Variants in PLCB3 observed in about 807,000 individuals in gnomAD.
PLCB3 encodes 1-phosphatidylinositol 4,5-bisphosphate phosphodiesterase beta-3.
Under a neutral mutation model 152.1 loss-of-function variants are expected in PLCB3, and 54 were observed. That is an observed-to-expected ratio of 0.36 (90% CI 0.29 to 0.45). PLCB3 has a LOEUF of 0.45. Among genes scored for constraint, PLCB3 ranks in the 20% least tolerant of loss-of-function variants. The pLI, the probability that PLCB3 is intolerant of heterozygous loss-of-function variation, is 1.00. For synonymous variants in PLCB3, 717 were observed against 698.7 expected (o/e 1.03, Z -0.41); for missense variants, 1,248 against 1,687.5 (o/e 0.74, Z 4.56).
intron 25 of PLCB3, 144 bp downstream of exon 25, chr11:64,265,646 C>T: frequency 7.3e-7 from 1 of 1,367,274 alleles, no homozygotes; most frequent in Non-Finnish European, 9.7e-7. Flanking sequence ...AGGCTTTCCA[C>T]ACCAGGCGTC....
In PLCB3 at chr11:64,263,734, G is replaced by A; in HGVS notation, c.2499G>A (p.Leu833=). Reference sequence around the variant, plus strand: ...TGCGGAACGAGGCCAACCAACCGCTGTGCCTGCCGGCCCTGCTCATCTACA... The same window carrying A: ...TGCGGAACGAGGCCAACCAACCGCTATGCCTGCCGGCCCTGCTCATCTACA... ...VCLRNEANQP[L]CLPALLIYTE... is the part of the protein sequence containing the mutation. Residue 833 remains leucine (L), a synonymous_variant, in exon 21 of 31, where the codon CTG becomes CTA. Coordinates refer to ENST00000279230, the MANE Select transcript of PLCB3 (RefSeq NM_000932.5). The A allele has an allele frequency of 6.2e-7, 1 of 1,613,218 alleles. No homozygotes were observed. Among genetic ancestry groups the A allele is most frequent in the Non-Finnish European group, 8.5e-7 (1 of 1,179,876 alleles).
intron 2 of PLCB3, 126 bp from the exon 3 acceptor site, chr11:64,254,622 G>A: frequency 7.4e-7 from 1 of 1,359,414 alleles, no homozygotes; most frequent in Non-Finnish European, 1.0e-6. Flanking sequence ...AAGTGCTCAG[G>A]GCAGGAGCTG....
Position 64,251,703 on chromosome 11 carries a change from G to A in PLCB3, c.54G>A (p.Val18=). The A allele has an allele frequency of 6.7e-7, 1 of 1,486,392 alleles. No homozygotes were observed. The highest frequency in any genetic ancestry group is 9.0e-7 in the Non-Finnish European group (1 of 1,116,150). 92.1% of individuals were successfully genotyped at this position (1,486,392 alleles called of 1,614,324 possible). The change falls in exon 1 of 31, where the codon GTG becomes GTA. Residue 18 remains valine, a synonymous_variant. Coordinates refer to ENST00000279230, the MANE Select transcript of PLCB3 (RefSeq NM_000932.5). ...VHALQLEPPT[V]VETLRRGSKF... ...CGCTGCAGTTGGAGCCGCCCACCGT[G>A]GTGGAGACCCTGCGGCGCGGGAGTA...
rs776729629 is a variant in PLCB3 at position 64,256,472 on chromosome 11, G to C, written c.795G>C (p.Pro265=). 3 of 1,613,846 alleles carry C rather than the reference G, an allele frequency of 1.9e-6. No homozygotes were observed. In the South Asian group the frequency reaches 3.3e-5, roughly 18 times the overall value. ...CGAGACTCAACGAAGTGCTGTACCC[G>C]CCCCTGCGGCCCTCCCAGGCCCGGC... ...RDPRLNEVLY[P]PLRPSQARLL... Residue 265 remains proline, a synonymous_variant, in exon 9 of 31, where the codon CCG becomes CCC. Coordinates refer to ENST00000279230, the MANE Select transcript of PLCB3 (RefSeq NM_000932.5).
At position 64,258,722 on chromosome 11, in the gene PLCB3, G is replaced by C; in HGVS notation, c.1253+9G>C. On this transcript the variant is annotated intron_variant, in intron 11 of 30. Transcript: ENST00000279230. The surrounding 1 kb of genome is among the most constrained non-coding windows in gnomAD (Gnocchi z 7.2). ...GAGAACCATGTGGACTCGTGAGTGA[G>C]CCCCTGGCATGAAACCCCATGGACC... 1 of 1,613,170 alleles carries C rather than the reference G, an allele frequency of 6.2e-7. No individual in the cohort carries two copies. The highest frequency in any genetic ancestry group is 1.7e-5 in the Admixed American group (1 of 60,006).
At position 64,258,157 on chromosome 11, in the gene PLCB3, A is replaced by G. The variant is rs1320025742; in HGVS notation, c.1013-316A>G. 6.6e-6 allele frequency among the ~76,000 whole-genome samples: 1 copy of G among 150,972 alleles called. No homozygotes were observed. Among genetic ancestry groups the G allele is most frequent in the Admixed American group, 6.6e-5 (1 of 15,186 alleles). On this transcript the variant is annotated intron_variant, in intron 10 of 30. Coordinates refer to ENST00000279230, the MANE Select transcript of PLCB3 (RefSeq NM_000932.5). The surrounding 1 kb of genome is among the most constrained non-coding windows in gnomAD (Gnocchi z 7.2). ...TGACAGAGCGAGGTTCCGTCTCAAA[A>G]AAAAAAAAAAAAGAGATTGGATTGG...
At chr11:64,252,772 A>G (rs913041557) in intron 1 of PLCB3, among the ~76,000 whole-genome samples, 2 of 147,548 alleles carry the variant, frequency 1.4e-5, no homozygotes, top group African/African-American at 5.0e-5. Context: ...ACTGTGATAA[A>G]CCCAAATAAG....
Position 64,265,072 on chromosome 11 carries a change from C to T in PLCB3, c.2774C>T (p.Thr925Ile). 6.5e-7 allele frequency: 1 copy of T among 1,541,538 alleles called. No individual in the cohort carries two copies. Among genetic ancestry groups the T allele is most frequent in the Non-Finnish European group, 8.8e-7 (1 of 1,141,154 alleles). ...ASPRRPPGPT[T>I]SPASTSLSSP... ...CCCCGCCGGCCCCCTGGCCCCACCA[C>T]CTCCCCTGCCAGCACCTCCCTCAGC... Residue 925 changes from threonine (T) to isoleucine (I), a missense_variant, in exon 23 of 31, where the codon ACC (threonine) becomes ATC (isoleucine). By Grantham distance (89) the Thr-to-Ile change is moderately conservative. This residue lies in a region of PLCB3 where 477 missense variants were observed against 489.6 expected (regional missense o/e 0.97). Transcript: ENST00000279230.
At chr11:64,260,271 A>G in intron 14 of PLCB3, 37 bp downstream of exon 14, 1 of 1,445,226 alleles carries the variant, frequency 6.9e-7, no homozygotes, top group Non-Finnish European at 9.4e-7. Flanking sequence ...GGGAGGTAGC[A>G]TCTATTTACC....
At chr11:64,251,861 C>A in intron 1 of PLCB3, 113 bp downstream of exon 1, 1 of 545,212 alleles carries the variant, frequency 1.8e-6, no homozygotes, top group Non-Finnish European at 3.0e-6. Flanking sequence ...CACCCTCATC[C>A]CAGTCTGGCG....
At position 64,263,596 on chromosome 11, in the gene PLCB3, C is replaced by T. The variant is rs777597945; in HGVS notation, c.2454C>T (p.Ser818=). 1.6e-5 allele frequency: 26 copies of T among 1,610,802 alleles called. No homozygotes were observed. Among genetic ancestry groups the T allele is most frequent in the Admixed American group, 3.3e-5 (2 of 59,846 alleles). Residue 818 remains serine, a splice_region_variant and synonymous_variant, in exon 20 of 31, where the codon TCC becomes TCT. Coordinates refer to ENST00000279230, the MANE Select transcript of PLCB3 (RefSeq NM_000932.5). The part of the protein sequence containing the change: ...HRILPVSAIR[S]GYHYVCLRNE... ...TCCTGCCTGTCTCTGCCATCCGCTC[C>T]GGTGAGGCCTTGGTGGGCTCTGGGC...
chr11:64,256,240 A>G, intron 8 of PLCB3, 136 bp from the exon 9 acceptor site: 1 of 710,066 alleles, frequency 1.4e-6, no homozygotes, highest in Middle Eastern at 4.0e-4. Context: ...GTTGGCCATG[A>G]CTCACCCAGA....
intron 21 of PLCB3, 36 bp from the exon 22 acceptor site, chr11:64,263,985 C>T (rs1261294066): frequency 6.6e-7 from 1 of 1,514,384 alleles, no homozygotes; most frequent in Non-Finnish European, 9.0e-7. Flanking sequence ...CCTGGGGGCT[C>T]TGTCTCTGAG....
intron 16 of PLCB3, 47 bp from the exon 17 acceptor site, chr11:64,261,905 A>C: frequency 6.2e-7 from 1 of 1,610,536 alleles, no homozygotes; most frequent in Non-Finnish European, 8.5e-7. Flanking sequence ...GTGGAGGCTG[A>C]TGGGGTGGGC....
Position 64,259,344 on chromosome 11 carries a change from C to T in PLCB3, c.1525+100C>T, listed in dbSNP as rs1223560302. On this transcript the variant is annotated intron_variant, in intron 13 of 30. Transcript: ENST00000279230. Reference sequence around the variant, plus strand: ...CATCCCAGACCCCCAGCCCACCCTCCTGCCTCGCTGTGCGCCTGTTCCCAC... The same window carrying T: ...CATCCCAGACCCCCAGCCCACCCTCTTGCCTCGCTGTGCGCCTGTTCCCAC... 4.9e-6 allele frequency: 5 copies of T among 1,015,690 alleles called. No individual in the cohort carries two copies. In the East Asian group the frequency reaches 1.3e-4, roughly 27 times the overall value. The allele number at this position is 1,015,690 out of a possible 1,614,324, so 62.9% of individuals were successfully genotyped here.
rs778035486 is a variant in PLCB3 at position 64,265,439 on chromosome 11, G to A, written c.2972G>A (p.Arg991His). Residue 991 changes from arginine to histidine, a missense_variant, in exon 25 of 31, where the codon CGC becomes CAC. Physicochemically the swap from Arg to His is conservative, Grantham distance 29. This residue lies in a region of PLCB3 where 477 missense variants were observed against 489.6 expected (regional missense o/e 0.97). Transcript: ENST00000279230. Reference protein sequence around the residue: ...HQRKAVTLTRRLLDGLAQAQA... With the variant: ...HQRKAVTLTRHLLDGLAQAQA... ...CGGAAGGCAGTCACCCTCACCCGCC[G>A]CCTGCTGGATGGCCTGGCTCAGGCA... 242 of 1,610,584 alleles carry A rather than the reference G, an allele frequency of 1.5e-4. No individual in the cohort carries two copies. Among genetic ancestry groups the A allele is most frequent in the Non-Finnish European group, 2.0e-4 (234 of 1,179,844 alleles).
rs763169075 is a variant in PLCB3 at position 64,261,570 on chromosome 11, T to C, written c.1829-11T>C. On this transcript the variant is annotated splice_polypyrimidine_tract_variant and intron_variant, in intron 15 of 30. Coordinates refer to ENST00000279230, the MANE Select transcript of PLCB3 (RefSeq NM_000932.5). Reference sequence around the variant, plus strand: ...GCCAGGTCTGACGCCCTTTCTTGGCTCACCCCTAAGAGAGGAACAAATGCT... The same window carrying C: ...GCCAGGTCTGACGCCCTTTCTTGGCCCACCCCTAAGAGAGGAACAAATGCT... 2 of 1,613,894 alleles carry C rather than the reference T, an allele frequency of 1.2e-6. No individual in the cohort carries two copies. The highest frequency in any genetic ancestry group is 1.7e-6 in the Non-Finnish European group (2 of 1,179,870).
chr11:64,254,675 G>A, intron 2 of PLCB3, 73 bp from the exon 3 acceptor site: 1 of 1,535,210 alleles, frequency 6.5e-7, no homozygotes, highest in Non-Finnish European at 9.0e-7. Flanking sequence ...CCTGGCCTGG[G>A]TAGAGAGCTT....
rs1591105052 is a variant in PLCB3 at position 64,258,033 on chromosome 11, A to T, written c.1013-440A>T. On this transcript the variant is annotated intron_variant, in intron 10 of 30. Coordinates refer to ENST00000279230, the MANE Select transcript of PLCB3 (RefSeq NM_000932.5). This position sits in a 1 kb window ranked among gnomAD's most constrained non-coding sequence, Gnocchi z 7.2. ...GCCAGGCATGGTGGTGGGCAACTGT[A>T]ATCCCAGCTACTCGGGAGGCTGAGG... 6.6e-6 allele frequency among the ~76,000 whole-genome samples: 1 copy of T among 152,186 alleles called. No individual in the cohort carries two copies. The highest frequency in any genetic ancestry group is 3.4e-3 in the Middle Eastern group (1 of 294).
Sources: allele counts gnomAD v4.1 joint callset (sites outside exome capture counted in the v4.1 genomes callset), GRCh38; gene constraint gnomAD v4.1.1; regional missense constraint gnomAD v4.1.1; non-coding constraint Gnocchi (gnomAD v3.1); transcripts MANE v1.5; gene names NCBI Gene and HGNC (gene_info 2026-07-23, HGNC 2026-07-21).